The following HSPA12A variants were observed in gnomAD, a reference collection of about 807,000 sequenced individuals.
HSPA12A encodes heat shock 70 kDa protein 12A.
A neutral mutation model predicts 69.2 loss-of-function variants in HSPA12A; 28 were observed. The ratio of observed to expected loss-of-function variants is 0.40; its 90% CI spans 0.30 to 0.55. The LOEUF is 0.55. HSPA12A is among the 20% of genes least tolerant of loss of function. HSPA12A has a pLI of 0.38. For missense variants in HSPA12A, 686 were observed against 900.7 expected (o/e 0.76, Z 3.05); for synonymous variants, 345 against 370.5 (o/e 0.93, Z 0.79).
chr10:116,838,425 G>T (rs1845753298), intron 1 of HSPA12A, among the ~76,000 whole-genome samples: 1 of 150,996 alleles, frequency 6.6e-6, no homozygotes. Flanking sequence ...TATTTCTGGA[G>T]GGGGGGAAAA....
chr10:116,731,931 C>A (rs993954864), intron 1 of HSPA12A, among the ~76,000 whole-genome samples: 1 of 152,078 alleles, frequency 6.6e-6, no homozygotes, highest in Non-Finnish European at 1.5e-5. Context: ...CTTTTCATTT[C>A]AACATGGGGG....
At chr10:116,791,135 G>C (rs1331656119) in intron 2 of HSPA12A, among the ~76,000 whole-genome samples, 1 of 152,202 alleles carries the variant, frequency 6.6e-6, no homozygotes, top group African/African-American at 2.4e-5. Flanking sequence ...CAACACCCAG[G>C]ACAGGCCTGG....
chr10:116,799,534 ATGG>A (rs1844910783), intron 2 of HSPA12A, among the ~76,000 whole-genome samples: 2 of 152,160 alleles, frequency 1.3e-5, no homozygotes, highest in Admixed American at 1.3e-4. Flanking sequence ...CACAGACACA[ATGG>A]GGTTATTCCT....
upstream of HSPA12A, among the ~76,000 whole-genome samples, chr10:116,744,015 CT>C (rs1324761126): frequency 6.6e-6 from 1 of 152,212 alleles, no homozygotes; most frequent in African/African-American, 2.4e-5. Flanking sequence ...CATTAAGTCA[CT>C]GATGGCCCCC....
chr10:116,835,088 C>T (rs531732128), intron 1 of HSPA12A: 275 of 1,021,370 alleles, frequency 2.7e-4, no homozygotes, highest in Non-Finnish European at 3.2e-4. Context: ...GCTCTTAAGT[C>T]GCGTACTCGT....
intron 2 of HSPA12A, among the ~76,000 whole-genome samples, chr10:116,791,861 T>C (rs2133153333): frequency 6.6e-6 from 1 of 152,188 alleles, no homozygotes; most frequent in East Asian, 1.9e-4. Flanking sequence ...GCTTCACTCC[T>C]GCCTTGGGTG....
chr10:116,751,395 T>C (rs1228303547), intron 2 of HSPA12A: 1 of 153,132 alleles, frequency 6.5e-6, no homozygotes, highest in Non-Finnish European at 1.5e-5. Flanking sequence ...TAATGCAATG[T>C]ACATTTTGCA....
chr10:116,706,990 C>T (rs998393669), intron 2 of HSPA12A, among the ~76,000 whole-genome samples: 11 of 152,164 alleles, frequency 7.2e-5, no homozygotes, highest in African/African-American at 1.4e-4. Flanking sequence ...TTCCCAGGCT[C>T]GGAGTGGGGG....
At chr10:116,763,359 G>A (rs1419644083) in intron 2 of HSPA12A, among the ~76,000 whole-genome samples, 1 of 152,170 alleles carries the variant, frequency 6.6e-6, no homozygotes, top group African/African-American at 2.4e-5. Context: ...GGTGAAACAC[G>A]ATCATTTTCA....
At chr10:116,803,118 G>A (rs1564824674) in intron 2 of HSPA12A, among the ~76,000 whole-genome samples, 1 of 152,362 alleles carries the variant, frequency 6.6e-6, no homozygotes, top group Non-Finnish European at 1.5e-5. Context: ...CGAGGCATGC[G>A]CACGCGTGCA....
At chr10:116,809,063 A>T (rs972320229) in intron 2 of HSPA12A, among the ~76,000 whole-genome samples, 6 of 152,120 alleles carry the variant, frequency 3.9e-5, no homozygotes, top group African/African-American at 1.4e-4. Context: ...GCCTGGGCAC[A>T]TGCTTCCTGG....
chr10:116,801,240 G>A (rs937712318), intron 2 of HSPA12A, among the ~76,000 whole-genome samples: 2 of 152,204 alleles, frequency 1.3e-5, no homozygotes, highest in African/African-American at 4.8e-5. Context: ...GGCAGCACAG[G>A]CACTCACATT....
intron 2 of HSPA12A, among the ~76,000 whole-genome samples, chr10:116,824,201 G>A (rs1390100563): frequency 6.6e-6 from 1 of 152,108 alleles, no homozygotes; most frequent in African/African-American, 2.4e-5. Context: ...AAAACACAAT[G>A]AAATGCCACT....
intron 1 of HSPA12A, among the ~76,000 whole-genome samples, chr10:116,835,571 TA>T (rs1008420945): frequency 1.3e-5 from 2 of 152,174 alleles, no homozygotes; most frequent in Non-Finnish European, 1.5e-5. Flanking sequence ...CGACTGGGTG[TA>T]AAACAAATTC....
At chr10:116,786,877 T>G (rs1424831164) in intron 2 of HSPA12A, among the ~76,000 whole-genome samples, 1 of 152,042 alleles carries the variant, frequency 6.6e-6, no homozygotes, top group Non-Finnish European at 1.5e-5. Context: ...TGACCTCAGG[T>G]GATCCACCTG....
intron 2 of HSPA12A, among the ~76,000 whole-genome samples, chr10:116,797,882 G>T (rs1637569): frequency 6.6e-6 from 1 of 151,930 alleles, no homozygotes; most frequent in Non-Finnish European, 1.5e-5. Flanking sequence ...ACTGATGGTG[G>T]GGAAGGCTTC....
At chr10:116,831,363 A>G (rs1037328292) in intron 2 of HSPA12A, 10 of 152,222 alleles carry the variant, frequency 6.6e-5, no homozygotes, top group African/African-American at 1.9e-4. Context: ...AGGGGAACAA[A>G]AGGAAGAAAA....
At chr10:116,804,367 G>A (rs907137552) in intron 2 of HSPA12A, among the ~76,000 whole-genome samples, 2 of 152,110 alleles carry the variant, frequency 1.3e-5, no homozygotes, top group African/African-American at 4.8e-5. Context: ...CAGGCTCCCC[G>A]ATTTGAGGGG....
chr10:116,722,380 G>T (rs1414271148), intron 1 of HSPA12A, among the ~76,000 whole-genome samples: 2 of 152,166 alleles, frequency 1.3e-5, no homozygotes, highest in South Asian at 2.1e-4. Context: ...ACACCCACAC[G>T]AGCCCACGGC....
Sources: gnomAD v4.1 joint callset for allele counts (sites outside exome capture counted in the v4.1 genomes callset) on GRCh38, gnomAD v4.1.1 for gene constraint, MANE v1.5 for transcripts, NCBI Gene and HGNC (gene_info 2026-07-23, HGNC 2026-07-21) for gene names.